Variants in FLNB observed in about 807,000 individuals in gnomAD.
FLNB encodes filamin-B.
FLNB carries 111 observed loss-of-function variants against 250.6 expected under a neutral mutation model. The observed-to-expected ratio is 0.44, with a 90% CI of 0.38 to 0.52. The LOEUF (loss-of-function observed/expected upper bound fraction) is 0.52. FLNB is among the 20% of genes least tolerant of loss of function. The pLI is 0.00. For missense variants in FLNB, 2,869 were observed against 3,447.8 expected, an observed-to-expected ratio of 0.83 and a Z score of 4.20; for synonymous variants, 1,302 against 1,372.1, an observed-to-expected ratio of 0.95 and a Z score of 1.13.
chr3:58,168,510 C>T lies in FLNB; in HGVS notation c.7269C>T (p.Gly2423=). 4.3e-6 allele frequency: 7 copies of T among 1,614,178 alleles called. No homozygotes were observed. Among genetic ancestry groups the T allele is most frequent in the Non-Finnish European group, 5.9e-6 (7 of 1,179,992 alleles). The change falls in exon 44 of 46, where the codon GGC becomes GGT. Residue 2423 remains glycine (G), a synonymous_variant. Transcript: ENST00000295956. ...GGACATTATCCGTCACCATCGAAGG[C>T]CCATCCAAGGTTAAAATGGATTGCC... is the stretch of plus-strand genomic sequence containing the variant. The part of the protein sequence containing the change: ...GPGTLSVTIE[G]PSKVKMDCQE...
chr3:58,113,104 T>C (rs2097271817), intron 18 of FLNB, among the ~76,000 whole-genome samples: 1 of 152,246 alleles, frequency 6.6e-6, no homozygotes, highest in Non-Finnish European at 1.5e-5. Flanking sequence ...TAGTGTTAAG[T>C]GCATTCATTA....
rs2107204933 is a variant in FLNB, at chr3:58,130,925, C to T, written c.4390+17C>T. 1.2e-6 allele frequency: 2 copies of T among 1,605,290 alleles called. No homozygotes were observed. Among genetic ancestry groups the T allele is most frequent in the Non-Finnish European group, 1.7e-6 (2 of 1,176,266 alleles). ...GCCCACGAGGTAAGTGTGCACCCTG[C>T]CTTCCTGCAGACATTCATCTGCCCC... is the stretch of plus-strand genomic sequence containing the variant. On this transcript the variant is annotated intron_variant, in intron 25 of 45. Coordinates refer to ENST00000295956, the MANE Select transcript of FLNB (RefSeq NM_001457.4).
At chr3:58,045,435 G>A (rs911551672) in intron 1 of FLNB, among the ~76,000 whole-genome samples, 2 of 152,202 alleles carry the variant, frequency 1.3e-5, no homozygotes, top group East Asian at 1.9e-4. Context: ...ACACAAATTC[G>A]TAAACTTTCT....
At chr3:58,043,731 T>A (rs2097149544) in intron 1 of FLNB, among the ~76,000 whole-genome samples, 1 of 152,170 alleles carries the variant, frequency 6.6e-6, no homozygotes, top group South Asian at 2.1e-4. Flanking sequence ...AAAACTCTCC[T>A]ATAGCTCCTA....
Position 58,078,858 on chromosome 3 carries a change from C to A in FLNB, c.639+44C>A, listed in dbSNP as rs571381668. ...GGTCCTGTGAGGCTGCCCCCACCCA[C>A]TAGCTTGTTCTGTGGATGCCTTCCC... On this transcript the variant is annotated intron_variant, in intron 3 of 45. Coordinates refer to ENST00000295956, the MANE Select transcript of FLNB (RefSeq NM_001457.4). 6 of 1,480,930 alleles carry A rather than the reference C, an allele frequency of 4.1e-6. No individual in the cohort carries two copies. In the Admixed American group the frequency reaches 1.1e-4, roughly 27 times the overall value. 91.7% of individuals were successfully genotyped at this position (1,480,930 alleles called of 1,614,324 possible). A position where few individuals can be genotyped will look rare whatever the true frequency, so the allele number is the denominator to read the frequency against.
rs542106385 is a variant in FLNB at position 58,123,431 on chromosome 3, C to T, written c.3465C>T (p.Ser1155=). ...AGGTGGGTGAAGCTGGCCTCCTTAG[C>T]GTCGACTGCTCGGAAGCGGGACCGG... ...HGKVGEAGLL[S]VDCSEAGPGA... is the part of the protein sequence containing the mutation. Residue 1155 remains serine (S), a synonymous_variant, in exon 21 of 46, where the codon AGC becomes AGT. Transcript: ENST00000295956. The T allele has an allele frequency of 1.6e-5, 25 of 1,612,884 alleles. No individual in the cohort carries two copies. The highest frequency in any genetic ancestry group is 6.7e-5 in the Admixed American group (4 of 59,982).
At chr3:58,125,875 TTA>T (rs1430074722) in intron 23 of FLNB, 132 bp downstream of exon 23, 1 of 850,896 alleles carries the variant, frequency 1.2e-6, no homozygotes, top group Non-Finnish European at 1.9e-6. Context: ...CTGTAGAGAC[TTA>T]TGTTACATAG....
At chr3:58,083,811 A>G (rs1304621725) in intron 4 of FLNB, among the ~76,000 whole-genome samples, 2 of 152,192 alleles carry the variant, frequency 1.3e-5, no homozygotes, top group Admixed American at 1.3e-4. Flanking sequence ...TGTGTGAGAC[A>G]TCACTTGTGT....
At chr3:58,033,051 C>A (rs561284360) in intron 1 of FLNB, among the ~76,000 whole-genome samples, 1 of 152,246 alleles carries the variant, frequency 6.6e-6, no homozygotes, top group South Asian at 2.1e-4. Flanking sequence ...CCAGCCTGGG[C>A]AAAAGAGTGA....
At position 58,134,765 on chromosome 3, in the gene FLNB, A is replaced by T; in HGVS notation, c.4664A>T (p.Gln1555Leu). ...GCCGGGGAAGGCCTGCTTGCTGTTC[A>T]AATAACGGTAACTTGGAGTTATTTT... is the stretch of plus-strand genomic sequence containing the variant. ...RDAGEGLLAV[Q>L]ITDQEGKPKR... Residue 1555 changes from glutamine (Q) to leucine (L), a missense_variant, in exon 27 of 46, where the codon CAA becomes CTA. Around this residue, in one of 5 missense-constraint regions of FLNB, gnomAD observed 126 missense variants for 182.0 expected, o/e 0.69. Transcript: ENST00000295956. 1 of 1,614,028 alleles carries T rather than the reference A, an allele frequency of 6.2e-7. No individual in the cohort carries two copies. The highest frequency in any genetic ancestry group is 8.5e-7 in the Non-Finnish European group (1 of 1,179,870).
intron 14 of FLNB, 54 bp downstream of exon 14, chr3:58,109,376 C>A (rs1242414996): frequency 8.2e-6 from 13 of 1,592,040 alleles, no homozygotes; most frequent in Non-Finnish European, 1.0e-5. Context: ...GGTCATACAC[C>A]AGGTCTGGGA....
intron 4 of FLNB, among the ~76,000 whole-genome samples, chr3:58,086,071 C>G (rs943377545): frequency 2.0e-5 from 3 of 152,074 alleles, no homozygotes; most frequent in Admixed American, 6.5e-5. Flanking sequence ...TCACGGCTAA[C>G]TGCAGCCTTG....
intron 1 of FLNB, among the ~76,000 whole-genome samples, chr3:58,013,764 G>A (rs1423990209): frequency 6.6e-6 from 1 of 152,228 alleles, no homozygotes; most frequent in East Asian, 1.9e-4. Context: ...CAGAGGCTGT[G>A]TTGAGCTGAG....
intron 1 of FLNB, among the ~76,000 whole-genome samples, chr3:58,075,641 T>C (rs981081189): frequency 6.6e-6 from 1 of 152,144 alleles, no homozygotes; most frequent in Non-Finnish European, 1.5e-5. Flanking sequence ...AAGATGGTTC[T>C]GGGGTTATGT....
chr3:58,102,145 T>G (rs930921357), intron 8 of FLNB, 58 bp from the exon 9 acceptor site: 1 of 1,610,126 alleles, frequency 6.2e-7, no homozygotes, highest in African/African-American at 1.3e-5. Flanking sequence ...TTACCTTGGC[T>G]TTCACGACTC....
intron 1 of FLNB, among the ~76,000 whole-genome samples, chr3:58,025,642 GCT>G (rs1402793088): frequency 6.6e-6 from 1 of 152,174 alleles, no homozygotes; most frequent in Non-Finnish European, 1.5e-5. Context: ...ATCCTTAAAT[GCT>G]CTGTCTTACA....
At chr3:58,133,935 T>C (rs1166014794) in intron 26 of FLNB, among the ~76,000 whole-genome samples, 1 of 152,216 alleles carries the variant, frequency 6.6e-6, no homozygotes, top group African/African-American at 2.4e-5. Flanking sequence ...ATATAAATAT[T>C]AAAACTGAAG....
chr3:58,031,311 C>T (rs1357817320), intron 1 of FLNB, among the ~76,000 whole-genome samples: 1 of 151,930 alleles, frequency 6.6e-6, no homozygotes, highest in East Asian at 1.9e-4. Flanking sequence ...GTTGCGATCT[C>T]GGCTCACTGC....
chr3:58,094,961 T>C lies in FLNB; in HGVS notation c.906+7T>C. 6.2e-7 allele frequency: 1 copy of C among 1,600,842 alleles called. No homozygotes were observed. Among genetic ancestry groups the C allele is most frequent in the Non-Finnish European group, 8.6e-7 (1 of 1,167,892 alleles). On this transcript the variant is annotated splice_region_variant and intron_variant, in intron 5 of 45. Transcript: ENST00000295956. The stretch of plus-strand genomic sequence containing the variant: ...AGAAGGGAACAAAGAGGAGGTATGT[T>C]GGAGGATGCTGCCTCTCCTTTCCAG...
Sources: allele counts gnomAD v4.1 joint callset (sites outside exome capture counted in the v4.1 genomes callset), GRCh38; gene constraint gnomAD v4.1.1; regional missense constraint gnomAD v4.1.1; transcripts MANE v1.5; gene names NCBI Gene and HGNC (gene_info 2026-07-23, HGNC 2026-07-21).